Variants in ARID4B observed in about 807,000 individuals in gnomAD.
ARID4B encodes AT-rich interaction domain 4B.
ARID4B carries 26 observed loss-of-function variants against 147.5 expected under a neutral mutation model. That is an observed-to-expected ratio of 0.18 (90% CI 0.13 to 0.24). The LOEUF is 0.24. Ranked by LOEUF, ARID4B falls within the 10% of genes least tolerant of loss-of-function variation. The pLI is 1.00. For missense variants in ARID4B, 1,179 were observed against 1,511.5 expected, an observed-to-expected ratio of 0.78 and a Z score of 3.65; for synonymous variants, 512 against 507.9, an observed-to-expected ratio of 1.01 and a Z score of -0.11.
rs1247314684 is a variant in ARID4B at position 235,195,321 on chromosome 1, G to A, written c.1926+710C>T. The stretch of plus-strand genomic sequence containing the variant: ...AATAGGATCCTGTGGGGCTGGGCGT[G>A]GTGGCTCACACCTATAATCCCGGCA... On this transcript the variant is annotated intron_variant, in intron 18 of 23. Coordinates refer to ENST00000264183, the MANE Select transcript of ARID4B (RefSeq NM_016374.6). 2.0e-5 allele frequency among the ~76,000 whole-genome samples: 3 copies of A among 152,248 alleles called. No individual in the cohort carries two copies. In the East Asian group the frequency reaches 5.8e-4, roughly 29 times the overall value.
chr1:235,288,042 C>CA (rs1239743745), intron 2 of ARID4B, among the ~76,000 whole-genome samples: 1 of 152,256 alleles, frequency 6.6e-6, no homozygotes, highest in Non-Finnish European at 1.5e-5. Flanking sequence ...CGCAGTGGCT[C>CA]ATGCCTGTAA....
chr1:235,196,830 C>T (rs1013472026), intron 17 of ARID4B, among the ~76,000 whole-genome samples: 5 of 124,436 alleles, frequency 4.0e-5, no homozygotes, highest in South Asian at 5.1e-4. Context: ...CCAGCCTGGG[C>T]GACAGAGCGA....
At chr1:235,258,327 G>A (rs997964481) in intron 3 of ARID4B, among the ~76,000 whole-genome samples, 6 of 152,060 alleles carry the variant, frequency 3.9e-5, no homozygotes, top group African/African-American at 1.4e-4. Flanking sequence ...GCAAGACTCC[G>A]TCTCAAAAGC....
chr1:235,189,351 G>T (rs1399658758), intron 19 of ARID4B, among the ~76,000 whole-genome samples: 4 of 118,458 alleles, frequency 3.4e-5, no homozygotes, highest in Non-Finnish European at 6.4e-5. Context: ...AGTGAGCCGA[G>T]ATCATGCCAC....
intron 17 of ARID4B, among the ~76,000 whole-genome samples, chr1:235,199,726 T>C (rs1665757421): frequency 6.6e-6 from 1 of 152,102 alleles, no homozygotes. Context: ...TGGGGAAGCT[T>C]TTTCGAATTA....
At position 235,218,794 on chromosome 1, in the gene ARID4B, A is replaced by T. The variant is rs186151419; in HGVS notation, c.1583+999T>A. Among the ~76,000 whole-genome samples, 265 of 152,230 alleles carry T rather than the reference A, an allele frequency of 1.7e-3. 1 individual carries two copies. The highest frequency in any genetic ancestry group is 2.3e-3 in the Non-Finnish European group (157 of 68,026). On this transcript the variant is annotated intron_variant, in intron 16 of 23. Transcript: ENST00000264183. ...TAAACATTTTTTACTATATTCATAT[A>T]AGCCCCATTTTTTATTTTCCCCTTC...
rs1024418222 is a variant in ARID4B, at chr1:235,255,849, G to A, written c.184-99C>T. ...TTTTAACTGAGTGCATGATGGTGAAGAATAAAATGACTATTGACTTCATTT... is the reference window on the plus strand; with the variant it reads ...TTTTAACTGAGTGCATGATGGTGAAAAATAAAATGACTATTGACTTCATTT... On this transcript the variant is annotated intron_variant, in intron 4 of 23. Transcript: ENST00000264183. 4.1e-6 allele frequency: 3 copies of A among 738,744 alleles called. No individual in the cohort carries two copies. In the African/African-American group the frequency reaches 5.5e-5, roughly 13 times the overall value. 45.8% of individuals were successfully genotyped at this position (738,744 alleles called of 1,614,324 possible).
chr1:235,302,839 T>C (rs1673275813), intron 2 of ARID4B, among the ~76,000 whole-genome samples: 1 of 152,240 alleles, frequency 6.6e-6, no homozygotes, highest in Admixed American at 6.5e-5. Context: ...AATTTAAGCA[T>C]CACAGAAGGT....
At position 235,172,653 on chromosome 1, in the gene ARID4B, C is replaced by T. The variant is rs757287256; in HGVS notation, c.3776G>A (p.Arg1259Gln). 24 of 1,593,316 alleles carry T rather than the reference C, an allele frequency of 1.5e-5. No homozygotes were observed. The highest frequency in any genetic ancestry group is 1.4e-5 in the Non-Finnish European group (17 of 1,172,608). ...SLKSEVASID[R>Q]RRKRLKKKER... is the part of the protein sequence containing the mutation. ...TTTCTTCTTTAAACGCTTTCTCCTC[C>T]GATCAATGGAAGCTACTTCAGATTT... Residue 1259 changes from arginine (R) to glutamine (Q), a missense_variant, in exon 23 of 24, where the codon CGG becomes CAG. Around this residue, in one of 10 missense-constraint regions of ARID4B, gnomAD observed 357 missense variants for 427.3 expected, o/e 0.84. Transcript: ENST00000264183.
chr1:235,314,440 T>C (rs143847358), intron 2 of ARID4B, among the ~76,000 whole-genome samples: 1,823 of 152,290 alleles, frequency 0.012, 17 homozygotes, highest in Non-Finnish European at 0.02. Context: ...AACAGTAACT[T>C]TACCCAAACC....
chr1:235,317,084 C>T (rs1362921731), intron 2 of ARID4B, among the ~76,000 whole-genome samples: 2 of 152,078 alleles, frequency 1.3e-5, no homozygotes, highest in East Asian at 1.9e-4. Flanking sequence ...AAGCATTTCA[C>T]CTAAATGTTA....
At chr1:235,193,177 G>A (rs972958822) in intron 19 of ARID4B, among the ~76,000 whole-genome samples, 1 of 152,034 alleles carries the variant, frequency 6.6e-6, no homozygotes, top group Non-Finnish European at 1.5e-5. Flanking sequence ...CAGGCCAATT[G>A]CTTGAGCCTA....
chr1:235,303,860 A>G (rs1673360220), intron 2 of ARID4B, among the ~76,000 whole-genome samples: 1 of 152,236 alleles, frequency 6.6e-6, no homozygotes, highest in Non-Finnish European at 1.5e-5. Flanking sequence ...TACATATTCT[A>G]AATTATTAGA....
intron 2 of ARID4B, among the ~76,000 whole-genome samples, chr1:235,282,666 C>T (rs1671733166): frequency 6.6e-6 from 1 of 152,020 alleles, no homozygotes; most frequent in Non-Finnish European, 1.5e-5. Context: ...TTTAAGAACT[C>T]CTATTGTACC....
chr1:235,210,130 G>A (rs1287978690), intron 17 of ARID4B, among the ~76,000 whole-genome samples: 1 of 152,000 alleles, frequency 6.6e-6, no homozygotes, highest in African/African-American at 2.4e-5. Context: ...CAGAGGCTGA[G>A]GTGGGAGGAT....
At chr1:235,175,481 C>T (rs1663800507) in intron 21 of ARID4B, 82 bp from the exon 22 acceptor site, 2 of 1,178,422 alleles carry the variant, frequency 1.7e-6, no homozygotes, top group African/African-American at 1.5e-5. Context: ...TTAAAATTAG[C>T]CATTTGAATT....
intron 20 of ARID4B, chr1:235,181,267 A>T: frequency 1.7e-6 from 1 of 590,788 alleles, no homozygotes; most frequent in Non-Finnish European, 2.4e-6. Flanking sequence ...TAAGCTGCTC[A>T]TGCCATATAG....
intron 6 of ARID4B, among the ~76,000 whole-genome samples, chr1:235,249,682 C>T (rs1558245309): frequency 6.6e-6 from 1 of 151,742 alleles, no homozygotes; most frequent in Non-Finnish European, 1.5e-5. Flanking sequence ...TGGCTCACAC[C>T]TGTAATCCCA....
chr1:235,203,135 C>T (rs150095428), intron 17 of ARID4B, among the ~76,000 whole-genome samples: 3 of 152,282 alleles, frequency 2.0e-5, no homozygotes, highest in East Asian at 3.9e-4. Flanking sequence ...AATATTCATA[C>T]AAGGCTAAAA....
Sources: gnomAD v4.1 joint callset for allele counts (sites outside exome capture counted in the v4.1 genomes callset) on GRCh38, gnomAD v4.1.1 for gene constraint, gnomAD v4.1.1 regional missense constraint, MANE v1.5 for transcripts, NCBI Gene and HGNC (gene_info 2026-07-23, HGNC 2026-07-21) for gene names.